PTPN1: variants seen among roughly 807,000 people sequenced by gnomAD.
The protein encoded by PTPN1 is tyrosine-protein phosphatase non-receptor type 1.
PTPN1 carries 12 observed loss-of-function variants against 59.9 expected under a neutral mutation model. The observed-to-expected ratio is 0.20, with a 90% CI of 0.13 to 0.32. The LOEUF is 0.32. Among genes scored for constraint, PTPN1 ranks in the 10% least tolerant of loss-of-function variants. The pLI, the probability that PTPN1 is intolerant of heterozygous loss-of-function variation, is 1.00. For synonymous variants in PTPN1, 178 were observed against 203.6 expected (o/e 0.87, Z 1.07); for missense variants, 356 against 549.2 (o/e 0.65, Z 3.52).
intron 1 of PTPN1, among the ~76,000 whole-genome samples, chr20:50,543,915 G>A (rs6067486): frequency 0.47 from 71,856 of 151,666 alleles, 17,576 homozygotes; most frequent in Middle Eastern, 0.65. Context: ...GTGCAATCTC[G>A]GCTCGCTACA....
In PTPN1 at chr20:50,516,411, C is replaced by T. The variant is rs111526140; in HGVS notation, c.63+5821C>T. 4.0e-3 allele frequency among the ~76,000 whole-genome samples: 603 copies of T among 152,188 alleles called. 3 individuals are homozygous for T. Among genetic ancestry groups the T allele is most frequent in the African/African-American group, 0.014 (564 of 41,530 alleles). On this transcript the variant is annotated intron_variant, in intron 1 of 9. Transcript: ENST00000371621. ...CCTTACTTTCTTTGGGTTTTGGTTT[C>T]TCCCTTGTAAAAATGATCCTGGACT...
In PTPN1 at chr20:50,578,626, G is replaced by C. The variant is rs763041976; in HGVS notation, c.699G>C (p.Leu233Phe). The change falls in exon 6 of 10, where the codon TTG becomes TTC. Residue 233 changes from leucine (L) to phenylalanine (F), a missense_variant. Leu to Phe is a conservative substitution (Grantham distance 22). Coordinates refer to ENST00000371621, the MANE Select transcript of PTPN1 (RefSeq NM_002827.4). ...TCTGTCTGGCTGATACCTGCCTCTT[G>C]CTGGTAAGGAGGCCCTCGCGGGTGC... ...GTFCLADTCL[L>F]LMDKRKDPSS... 1.2e-6 allele frequency: 2 copies of C among 1,612,978 alleles called. No homozygotes were observed. Among genetic ancestry groups the C allele is most frequent in the African/African-American group, 2.7e-5 (2 of 74,896 alleles).
chr20:50,555,848 G>A (rs888349419), intron 1 of PTPN1, among the ~76,000 whole-genome samples: 2 of 151,730 alleles, frequency 1.3e-5, no homozygotes, highest in Non-Finnish European at 2.9e-5. Context: ...TATTTGCTCC[G>A]GGTAAATATT....
intron 2 of PTPN1, chr20:50,563,210 G>C (rs536551339): frequency 2.0e-5 from 3 of 149,898 alleles, no homozygotes; most frequent in African/African-American, 4.9e-5. Flanking sequence ...TCCTCCTCCC[G>C]TACTCCTATC....
chr20:50,543,341 T>C (rs2082660727), intron 1 of PTPN1, among the ~76,000 whole-genome samples: 2 of 152,230 alleles, frequency 1.3e-5, no homozygotes, highest in African/African-American at 4.8e-5. Context: ...TATTTTGATA[T>C]CTTGTGTTCC....
intron 1 of PTPN1, among the ~76,000 whole-genome samples, chr20:50,538,943 A>T (rs1052359074): frequency 1.3e-5 from 2 of 149,748 alleles, no homozygotes; most frequent in African/African-American, 4.9e-5. Flanking sequence ...ACATAGCTGT[A>T]GTATAGAGTG....
chr20:50,565,431 T>G (rs1292775239), intron 3 of PTPN1, among the ~76,000 whole-genome samples: 1 of 152,186 alleles, frequency 6.6e-6, no homozygotes, highest in African/African-American at 2.4e-5. Context: ...TGATGGCAAA[T>G]CTAAGAACGT....
Position 50,580,223 on chromosome 20 carries a change from C to CT in PTPN1, c.1088+298dup, listed in dbSNP as rs1201581169. Among the ~76,000 whole-genome samples, 3 of 152,300 alleles carry CT rather than the reference C, an allele frequency of 2.0e-5. No homozygotes were observed. In the East Asian group the frequency reaches 5.8e-4, roughly 29 times the overall value. Reference sequence around the variant, plus strand: ...ACCGAGTAGGGTTTTTCTGCCCCCCCTGACGACAGCGCCCTCCCCCAGGTT... The same window carrying CT: ...ACCGAGTAGGGTTTTTCTGCCCCCCCTTGACGACAGCGCCCTCCCCCAGGTT... On this transcript the variant is annotated intron_variant, in intron 8 of 9. Transcript: ENST00000371621.
intron 1 of PTPN1, among the ~76,000 whole-genome samples, chr20:50,540,333 G>A (rs975503679): frequency 6.6e-6 from 1 of 152,238 alleles, no homozygotes; most frequent in Non-Finnish European, 1.5e-5. Context: ...GGGATTACAG[G>A]CGTGAGCCAC....
At chr20:50,574,162 G>A (rs1410337683) in intron 4 of PTPN1, 2 of 196,692 alleles carry the variant, frequency 1.0e-5, no homozygotes, top group Admixed American at 6.2e-5. Context: ...CAGGTCCTGG[G>A]TAATGTTTGA....
At chr20:50,552,978 A>G (rs540717054) in intron 1 of PTPN1, among the ~76,000 whole-genome samples, 10 of 152,052 alleles carry the variant, frequency 6.6e-5, no homozygotes, top group East Asian at 3.9e-4. Flanking sequence ...AATCTGCCCA[A>G]CCTTCTCCTT....
chr20:50,545,177 A>G (rs2082669461), intron 1 of PTPN1, among the ~76,000 whole-genome samples: 1 of 152,036 alleles, frequency 6.6e-6, no homozygotes. Context: ...GCTGGTTCCA[A>G]ACTCCTGAGC....
At chr20:50,521,583 G>A (rs750993947) in intron 1 of PTPN1, among the ~76,000 whole-genome samples, 1 of 152,146 alleles carries the variant, frequency 6.6e-6, no homozygotes, top group Non-Finnish European at 1.5e-5. Context: ...AAGCCTCCCC[G>A]ATTTATTAGG....
chr20:50,560,972 G>T (rs1212945615), intron 1 of PTPN1, among the ~76,000 whole-genome samples: 1 of 152,102 alleles, frequency 6.6e-6, no homozygotes, highest in African/African-American at 2.4e-5. Context: ...GGAACTCCCA[G>T]GCCTGGCATT....
In PTPN1 at chr20:50,568,513, A is replaced by C. The variant is rs751669182; in HGVS notation, c.354+35A>C. 5 of 1,485,338 alleles carry C rather than the reference A, an allele frequency of 3.4e-6. No individual in the cohort carries two copies. The highest frequency in any genetic ancestry group is 1.1e-5 in the South Asian group (1 of 88,342). 92.0% of individuals were successfully genotyped at this position (1,485,338 alleles called of 1,614,324 possible). A position where few individuals can be genotyped will look rare whatever the true frequency, so the allele number is the denominator to read the frequency against. On this transcript the variant is annotated intron_variant, in intron 4 of 9. Coordinates refer to ENST00000371621, the MANE Select transcript of PTPN1 (RefSeq NM_002827.4). The surrounding 1 kb of genome is among the most constrained non-coding windows in gnomAD (Gnocchi z 5.6). ...GGCTTCATTTGCTGTGTATGTGATC[A>C]TGCATACCACTCCATATAGTTACCA... is the stretch of plus-strand genomic sequence containing the variant.
At position 50,536,054 on chromosome 20, in the gene PTPN1, A is replaced by G. The variant is rs1256798064; in HGVS notation, c.64-25309A>G. On this transcript the variant is annotated intron_variant, in intron 1 of 9. Transcript: ENST00000371621. ...ATTTAAGGTATGTTTTCCTGAGGTT[A>G]ATTTTGATTGTGTGCAAATTTTACC... is the stretch of plus-strand genomic sequence containing the variant. 3.3e-5 allele frequency among the ~76,000 whole-genome samples: 5 copies of G among 152,162 alleles called. No homozygotes were observed. The South Asian group carries it at 6.2e-4, about 19-fold the overall frequency.
chr20:50,543,266 A>G (rs2082660392), intron 1 of PTPN1, among the ~76,000 whole-genome samples: 1 of 152,248 alleles, frequency 6.6e-6, no homozygotes, highest in South Asian at 2.1e-4. Context: ...TTCCTTACAG[A>G]AGGACAAAGG....
At chr20:50,578,188 C>T (rs1176219522) in intron 5 of PTPN1, 16 of 525,230 alleles carry the variant, frequency 3.0e-5, no homozygotes, top group Middle Eastern at 5.2e-4. Flanking sequence ...CTCTTCAATC[C>T]GAAGGGAAAT....
Position 50,568,367 on chromosome 20 carries a change from T to G in PTPN1, c.256-13T>G, listed in dbSNP as rs750688334. On this transcript the variant is annotated splice_polypyrimidine_tract_variant and intron_variant, in intron 3 of 9. Transcript: ENST00000371621. This position sits in a 1 kb window ranked among gnomAD's most constrained non-coding sequence, Gnocchi z 5.6. ...TTTCAGATGTCACATGTTGTGTTAT[T>G]GTGTCTTTGCAGGGCCCTTTGCCTA... 2.5e-5 allele frequency: 40 copies of G among 1,610,512 alleles called. No homozygotes were observed. Among genetic ancestry groups the G allele is most frequent in the Non-Finnish European group, 3.2e-5 (38 of 1,176,830 alleles).
Sources: allele counts gnomAD v4.1 joint callset (sites outside exome capture counted in the v4.1 genomes callset), GRCh38; gene constraint gnomAD v4.1.1; non-coding constraint Gnocchi (gnomAD v3.1); transcripts MANE v1.5; gene names NCBI Gene and HGNC (gene_info 2026-07-23, HGNC 2026-07-21).